The following WDR36 variants were observed in gnomAD, a reference collection of about 807,000 sequenced individuals.
WDR36 encodes the protein WD repeat-containing protein 36.
In WDR36, 63 loss-of-function variants were observed where a neutral mutation model predicts 112.7. That is an observed-to-expected ratio of 0.56 (90% CI 0.46 to 0.69). The LOEUF (loss-of-function observed/expected upper bound fraction) is 0.69, where lower values mean the gene tolerates loss of function less well. WDR36 is among the 30% of genes least tolerant of loss of function. WDR36 has a pLI of 0.00. For missense variants in WDR36, 1,226 were observed against 1,070.3 expected (o/e 1.15, Z -2.03); for synonymous variants, 410 against 362.2 (o/e 1.13, Z -1.50).
At chr5:111,092,839 A>C (rs1752896808) in intron 1 of WDR36, among the ~76,000 whole-genome samples, 1 of 152,270 alleles carries the variant, frequency 6.6e-6, no homozygotes, top group African/African-American at 2.4e-5. Flanking sequence ...CCAAGGGGAA[A>C]CTGCTAGAGA....
chr5:111,117,165 G>T (rs1753472128), intron 16 of WDR36, among the ~76,000 whole-genome samples: 1 of 152,130 alleles, frequency 6.6e-6, no homozygotes. Flanking sequence ...AAACAGACTT[G>T]AACAGAAATC....
chr5:111,116,012 G>A (rs1253268596), intron 16 of WDR36, among the ~76,000 whole-genome samples: 4 of 151,142 alleles, frequency 2.6e-5, no homozygotes, highest in Admixed American at 1.3e-4. Flanking sequence ...GTACGATCTC[G>A]GCTCAGTGCA....
At chr5:111,098,916 C>G (rs769466742) in intron 4 of WDR36, 77 bp downstream of exon 4, 22 of 1,049,892 alleles carry the variant, frequency 2.1e-5, no homozygotes, top group Admixed American at 3.5e-5. Flanking sequence ...ATGTAAACAT[C>G]TATGCCAGAG....
At chr5:111,104,855 A>G (rs555003477) in intron 9 of WDR36, 38 bp downstream of exon 9, 3 of 1,609,094 alleles carry the variant, frequency 1.9e-6, no homozygotes, top group African/African-American at 2.7e-5. Flanking sequence ...TATTTCAGCA[A>G]GTATTGAGAT....
At chr5:111,122,533 A>T (rs977039245) in intron 19 of WDR36, among the ~76,000 whole-genome samples, 1 of 152,162 alleles carries the variant, frequency 6.6e-6, no homozygotes, top group Non-Finnish European at 1.5e-5. Context: ...CCAAAGCCTT[A>T]TGGTTTTAAC....
At chr5:111,126,077 G>GT (rs1303021591) in intron 22 of WDR36, among the ~76,000 whole-genome samples, 4 of 151,988 alleles carry the variant, frequency 2.6e-5, no homozygotes, top group African/African-American at 4.8e-5. Flanking sequence ...GTCTTGTTTT[G>GT]TTTTTTTACT....
intron 3 of WDR36, among the ~76,000 whole-genome samples, chr5:111,098,255 C>T (rs73226330): frequency 0.031 from 4,766 of 152,194 alleles, 232 homozygotes; most frequent in African/African-American, 0.11. Flanking sequence ...GGATCAGCTA[C>T]TGTAAGGATC....
chr5:111,112,815 A>G (rs1014385761), intron 15 of WDR36, among the ~76,000 whole-genome samples: 16 of 151,678 alleles, frequency 1.1e-4, no homozygotes, highest in Admixed American at 8.6e-4. Flanking sequence ...TTAACTTTTA[A>G]TAATTCATTT....
chr5:111,118,981 A>G (rs765381314), intron 16 of WDR36, 32 bp from the exon 17 acceptor site: 1 of 1,555,182 alleles, frequency 6.4e-7, no homozygotes, highest in East Asian at 2.2e-5. Context: ...GGTAGAGTTC[A>G]AATACTTTTA....
chr5:111,113,052 A>ATATTTTT (rs35527062), intron 15 of WDR36, 22 bp from the exon 16 acceptor site: 54 of 473,598 alleles, frequency 1.1e-4, no homozygotes, highest in African/African-American at 1.0e-3. Flanking sequence ...ATATATATAT[A>ATATTTTT]TTTTTTTTTT....
intron 16 of WDR36, among the ~76,000 whole-genome samples, chr5:111,116,447 A>G (rs1753456465): frequency 1.3e-5 from 2 of 152,178 alleles, no homozygotes; most frequent in Admixed American, 1.3e-4. Flanking sequence ...AGGTGATTTT[A>G]GCACTTTGGA....
chr5:111,128,885 A>G lies in WDR36; in HGVS notation c.*2002A>G. 5.2e-6 allele frequency: 1 copy of G among 191,200 alleles called. No individual in the cohort carries two copies. The highest frequency in any genetic ancestry group is 1.1e-5 in the Non-Finnish European group (1 of 91,206). The allele number at this position is 191,200 out of a possible 1,614,324, so 11.8% of individuals were successfully genotyped here. On this transcript the variant is annotated 3_prime_UTR_variant, in exon 23 of 23. Coordinates refer to ENST00000513710, the MANE Select transcript of WDR36 (RefSeq NM_139281.3). ...TTTGCTTGTGTGCTTTTTGAAAACC[A>G]TCTTCAGTCCCAATATCCTCTGTAG...
intron 3 of WDR36, among the ~76,000 whole-genome samples, chr5:111,097,530 G>A (rs1270697630): frequency 1.3e-5 from 2 of 152,108 alleles, no homozygotes; most frequent in Admixed American, 1.3e-4. Flanking sequence ...TACTTTCCTA[G>A]AAAATTCATA....
intron 11 of WDR36, 72 bp from the exon 12 acceptor site, chr5:111,107,222 G>A (rs1044951881): frequency 1.3e-6 from 2 of 1,530,886 alleles, no homozygotes; most frequent in South Asian, 2.4e-5. Flanking sequence ...CTGAAATATT[G>A]GATGCCTAAT....
At position 111,105,287 on chromosome 5, in the gene WDR36, A is replaced by G. The variant is rs201381000; in HGVS notation, c.1028-8A>G. Reference sequence around the variant, plus strand: ...GCTTGATTAGGGATTTTCTGTGTATATCAACAGGTCAAGATGGAACTCTTC... The same window carrying G: ...GCTTGATTAGGGATTTTCTGTGTATGTCAACAGGTCAAGATGGAACTCTTC... On this transcript the variant is annotated splice_polypyrimidine_tract_variant and splice_region_variant and intron_variant, in intron 9 of 22. Transcript: ENST00000513710. The G allele has an allele frequency of 8.1e-5, 130 of 1,609,490 alleles. 1 individual carries two copies. The highest frequency in any genetic ancestry group is 7.7e-4 in the South Asian group (70 of 90,994).
rs148536012 is a variant in WDR36, at chr5:111,111,186, G to A, written c.1624G>A (p.Ala542Thr). ...TCTTGCTAGTGGCATTCTGGGACTC[G>A]CCTTGGATGACTTCTCCATTAGTGT... ...LHRDSGILGL[A>T]LDDFSISVLD... The change falls in exon 15 of 23, where the codon GCC becomes ACC. Residue 542 changes from alanine (A) to threonine (T), a missense_variant. Physicochemically the swap from Ala to Thr is moderately conservative, Grantham distance 58. Coordinates refer to ENST00000513710, the MANE Select transcript of WDR36 (RefSeq NM_139281.3). The A allele has an allele frequency of 4.5e-5, 72 of 1,611,596 alleles. No homozygotes were observed. Among genetic ancestry groups the A allele is most frequent in the Non-Finnish European group, 5.2e-5 (61 of 1,178,268 alleles).
chr5:111,094,648 C>G (rs1024331134), intron 1 of WDR36, among the ~76,000 whole-genome samples: 2 of 152,156 alleles, frequency 1.3e-5, no homozygotes, highest in Non-Finnish European at 2.9e-5. Flanking sequence ...TAGTTGGCAA[C>G]AGAGACCACA....
At chr5:111,100,458 A>G (rs903636196) in intron 4 of WDR36, 131 bp from the exon 5 acceptor site, 14 of 582,136 alleles carry the variant, frequency 2.4e-5, no homozygotes, top group African/African-American at 2.3e-4. Flanking sequence ...ATAGATTAGT[A>G]TCTAAGTCTG....
chr5:111,129,391 T>C lies in WDR36; in HGVS notation c.*2508T>C, dbSNP rs549858282. The C allele has an allele frequency of 7.1e-4, 137 of 192,890 alleles. No homozygotes were observed. The highest frequency in any genetic ancestry group is 2.9e-3 in the African/African-American group (125 of 43,212). 11.9% of individuals were successfully genotyped at this position (192,890 alleles called of 1,614,324 possible). ...TATGAGCATCTGCTTCCCCATGTAA[T>C]TAATGACACTTGCTATTGGATTTTT... On this transcript the variant is annotated 3_prime_UTR_variant, in exon 23 of 23. Coordinates refer to ENST00000513710, the MANE Select transcript of WDR36 (RefSeq NM_139281.3).
Sources: gnomAD v4.1 joint callset for allele counts (sites outside exome capture counted in the v4.1 genomes callset) on GRCh38, gnomAD v4.1.1 for gene constraint, MANE v1.5 for transcripts, NCBI Gene and HGNC (gene_info 2026-07-23, HGNC 2026-07-21) for gene names.